SEMA3A: variants seen among roughly 807,000 people sequenced by gnomAD.
The protein encoded by SEMA3A is semaphorin 3A, also known as semaphorin-3A.
A neutral mutation model predicts 97.9 loss-of-function variants in SEMA3A; 29 were observed. The observed-to-expected ratio is 0.30, with a 90% CI of 0.22 to 0.40. The LOEUF (loss-of-function observed/expected upper bound fraction) is 0.40, where lower values mean the gene tolerates loss of function less well. Among genes scored for constraint, SEMA3A ranks in the 10% least tolerant of loss-of-function variants. SEMA3A has a pLI of 1.00. For synonymous variants in SEMA3A, 321 were observed against 323.7 expected (o/e 0.99, Z 0.09); for missense variants, 763 against 951.3 (o/e 0.80, Z 2.60).
At chr7:84,077,420 T>C (rs1280029145) in intron 4 of SEMA3A, among the ~76,000 whole-genome samples, 1 of 152,102 alleles carries the variant, frequency 6.6e-6, no homozygotes, top group Non-Finnish European at 1.5e-5. Context: ...TGGGAAATTT[T>C]ATCAACCTAA....
At chr7:83,993,661 T>C (rs1313802891) in intron 12 of SEMA3A, among the ~76,000 whole-genome samples, 1 of 125,354 alleles carries the variant, frequency 8.0e-6, no homozygotes, top group African/African-American at 3.3e-5. Context: ...TCTTCTGGCT[T>C]GTAGGGTTTC....
chr7:84,317,268 T>C (rs1801531056), intron 2 of SEMA3A, among the ~76,000 whole-genome samples: 1 of 152,208 alleles, frequency 6.6e-6, no homozygotes, highest in Non-Finnish European at 1.5e-5. Flanking sequence ...TTACTTTTTC[T>C]CCTACATTTT....
rs559465607 is a variant in SEMA3A at position 84,250,010 on chromosome 7, C to T, written c.-82-55342G>A. ...CGTATGAAATATTATTACCACATTT[C>T]AACAAGCCTGATTTCTTTCCTCTCT... On this transcript the variant is annotated intron_variant, in intron 3 of 3. Transcript: ENST00000424555. Among the ~76,000 whole-genome samples, 431 of 151,322 alleles carry T rather than the reference C, an allele frequency of 2.8e-3. 4 individuals are homozygous for T. Among genetic ancestry groups the T allele is most frequent in the African/African-American group, 0.01 (418 of 41,318 alleles).
intron 4 of SEMA3A, among the ~76,000 whole-genome samples, chr7:84,104,891 T>C (rs2115915739): frequency 6.6e-6 from 1 of 152,296 alleles, no homozygotes; most frequent in South Asian, 2.1e-4. Flanking sequence ...TTAAGCATAG[T>C]AACTTGTACA....
chr7:84,315,968 C>T (rs1389144070), intron 2 of SEMA3A, among the ~76,000 whole-genome samples: 1 of 148,832 alleles, frequency 6.7e-6, no homozygotes, highest in East Asian at 1.9e-4. Context: ...TGTCTTTCTT[C>T]CTCTAATTTT....
chr7:84,027,630 C>T (rs751441591), intron 6 of SEMA3A, among the ~76,000 whole-genome samples: 1 of 152,228 alleles, frequency 6.6e-6, no homozygotes, highest in Middle Eastern at 3.4e-3. Flanking sequence ...GTTACTTGAA[C>T]TCAAACAGAC....
intron 1 of SEMA3A, among the ~76,000 whole-genome samples, chr7:84,137,765 G>A (rs1423048412): frequency 3.3e-5 from 5 of 150,352 alleles, no homozygotes; most frequent in Non-Finnish European, 1.5e-5. Context: ...CAATGAAAGG[G>A]CCATGTAAGA....
At chr7:84,359,784 G>A (rs1210281564) in intron 2 of SEMA3A, among the ~76,000 whole-genome samples, 2 of 152,134 alleles carry the variant, frequency 1.3e-5, no homozygotes, top group African/African-American at 4.8e-5. Flanking sequence ...TTTTTTGCTT[G>A]GTAAGCTATT....
intron 6 of SEMA3A, among the ~76,000 whole-genome samples, chr7:84,035,533 T>G (rs1791910835): frequency 6.6e-6 from 1 of 152,036 alleles, no homozygotes; most frequent in African/African-American, 2.4e-5. Context: ...TTCCTTTAAA[T>G]AATCAAAGAA....
intron 2 of SEMA3A, among the ~76,000 whole-genome samples, chr7:84,320,138 T>C (rs967191518): frequency 2.0e-5 from 3 of 152,174 alleles, no homozygotes; most frequent in Non-Finnish European, 4.4e-5. Flanking sequence ...ATGGAAGCAC[T>C]GATTCCCTTG....
chr7:84,164,484 T>A (rs890326058), intron 1 of SEMA3A, among the ~76,000 whole-genome samples: 1 of 152,194 alleles, frequency 6.6e-6, no homozygotes, highest in Non-Finnish European at 1.5e-5. Flanking sequence ...TCCCATTGGA[T>A]AAGACTGTAT....
chr7:84,099,065 C>CTTTTTT lies in SEMA3A; in HGVS notation c.453+11399_453+11404dup, dbSNP rs754026184. On this transcript the variant is annotated intron_variant, in intron 4 of 16. Coordinates refer to ENST00000265362, the MANE Select transcript of SEMA3A (RefSeq NM_006080.3). ...AGAGATTAATCAGGAATTACATTTT[C>CTTTTTT]TTTTTTTTTCTTTTTTTTTTTTTGA... is the stretch of plus-strand genomic sequence containing the variant. Among the ~76,000 whole-genome samples the CTTTTTT allele has an allele frequency of 1.7e-3, 154 of 92,518 alleles. 4 individuals are homozygous for CTTTTTT. The highest frequency in any genetic ancestry group is 2.3e-3 in the African/African-American group (62 of 27,046). The allele number at this position is 92,518 out of a possible 152,430, so 60.7% of individuals were successfully genotyped here.
In SEMA3A at chr7:83,961,457, T is replaced by G. The variant is rs749759577; in HGVS notation, c.2230A>C (p.Ser744Arg). The change falls in exon 17 of 17, where the codon AGT becomes CGT. Residue 744 changes from serine to arginine, a missense_variant. Around this residue, in one of 2 missense-constraint regions of SEMA3A, gnomAD observed 678 missense variants for 881.3 expected, o/e 0.77. Transcript: ENST00000265362. Reference protein sequence around the residue: ...RQRPGHTPGNSNKWKHLQENK... With the variant: ...RQRPGHTPGNRNKWKHLQENK... ...TCTTGTAAGTGCTTCCATTTGTTAC[T>G]GTTCCCTGGGGTATGTCCTGGCCTT... The G allele has an allele frequency of 1.9e-6, 3 of 1,614,034 alleles. No individual in the cohort carries two copies. Among genetic ancestry groups the G allele is most frequent in the Non-Finnish European group, 2.5e-6 (3 of 1,179,970 alleles).
intron 2 of SEMA3A, among the ~76,000 whole-genome samples, chr7:84,327,413 G>A (rs1197510834): frequency 6.6e-6 from 1 of 151,478 alleles, no homozygotes. Context: ...AGAAAGGGAG[G>A]TAGTGGGAGA....
intron 14 of SEMA3A, among the ~76,000 whole-genome samples, chr7:83,977,788 CT>C (rs139682272): frequency 0.026 from 3,632 of 141,064 alleles, 146 homozygotes; most frequent in East Asian, 0.19. Flanking sequence ...TCAACCTATC[CT>C]TTTTTTTTTT....
intron 1 of SEMA3A, among the ~76,000 whole-genome samples, chr7:84,479,135 T>G (rs938274227): frequency 6.6e-6 from 1 of 152,182 alleles, no homozygotes; most frequent in African/African-American, 2.4e-5. Context: ...GACATTCTAC[T>G]AAGATTATTT....
rs201008229 is a variant in SEMA3A, at chr7:84,444,564, C to CTT, written c.-246+47894_-246+47895dup. 3.1e-4 allele frequency among the ~76,000 whole-genome samples: 43 copies of CTT among 138,774 alleles called. No individual in the cohort carries two copies. In the East Asian group the frequency reaches 4.4e-3, roughly 14 times the overall value. The allele number at this position is 138,774 out of a possible 152,430, so 91.0% of individuals were successfully genotyped here. On this transcript the variant is annotated intron_variant, in intron 1 of 3. Transcript: ENST00000424555. The stretch of plus-strand genomic sequence containing the variant: ...TACAGTGATTTTCTTTTCTTTTTTT[C>CTT]TTTTTTTTTTTTTTTGAGACGGAGT...
chr7:84,286,393 C>T (rs1056472077), intron 3 of SEMA3A, among the ~76,000 whole-genome samples: 1 of 151,972 alleles, frequency 6.6e-6, no homozygotes, highest in African/African-American at 2.4e-5. Flanking sequence ...ATGACGCCAT[C>T]CTTTAAAAAT....
At chr7:84,405,166 C>T (rs1265807378) in intron 1 of SEMA3A, among the ~76,000 whole-genome samples, 1 of 151,888 alleles carries the variant, frequency 6.6e-6, no homozygotes, top group Non-Finnish European at 1.5e-5. Flanking sequence ...GGTGCAGAGA[C>T]ACACATAGGC....
Sources: allele counts gnomAD v4.1 joint callset (sites outside exome capture counted in the v4.1 genomes callset), GRCh38; gene constraint gnomAD v4.1.1; regional missense constraint gnomAD v4.1.1; transcripts MANE v1.5; gene names NCBI Gene and HGNC (gene_info 2026-07-23, HGNC 2026-07-21).